The following DMD variants were observed in gnomAD, a reference collection of about 807,000 sequenced individuals.
DMD encodes mutant dystrophin.
A neutral mutation model predicts 330.1 loss-of-function variants in DMD; 63 were observed. That is an observed-to-expected ratio of 0.19 (90% CI 0.16 to 0.24). The LOEUF (loss-of-function observed/expected upper bound fraction) is 0.24. DMD is among the 10% of genes least tolerant of loss of function. The pLI is 1.00. For synonymous variants in DMD, 1,223 were observed against 959.8 expected, an observed-to-expected ratio of 1.27 and a Z score of -5.07; for missense variants, 3,344 against 2,684.1, an observed-to-expected ratio of 1.25 and a Z score of -5.43.
chrX:32,409,555 C>T lies in DMD; in HGVS notation c.4233+2197G>A, dbSNP rs750665947. Among the ~76,000 whole-genome samples, 127 of 111,525 alleles carry T rather than the reference C, an allele frequency of 1.1e-3. 1 individual carries two copies. Among genetic ancestry groups the T allele is most frequent in the Non-Finnish European group, 1.7e-3 (88 of 53,012 alleles). ...ACAACCTGTTCAACTAAAGATGCTT[C>T]GCCCTAAAAGCTCCAATTTTCCTTG... On this transcript the variant is annotated intron_variant, in intron 30 of 78. Transcript: ENST00000357033.
chrX:31,172,718 A>G (rs1461360567), intron 72 of DMD, among the ~76,000 whole-genome samples: 2 of 111,636 alleles, frequency 1.8e-5, no homozygotes, highest in African/African-American at 3.2e-5. Context: ...AAGCTTCCCT[A>G]ACAATAAGTG....
At chrX:33,040,349 TG>T (rs1458363044) in intron 1 of DMD, among the ~76,000 whole-genome samples, 1 of 110,658 alleles carries the variant, frequency 9.0e-6, no homozygotes, top group East Asian at 2.9e-4. Flanking sequence ...TCAGAGGGGT[TG>T]GGGAAGGTAG....
chrX:32,416,921 C>T (rs1436142323), intron 29 of DMD, among the ~76,000 whole-genome samples: 1 of 111,973 alleles, frequency 8.9e-6, no homozygotes, highest in Non-Finnish European at 1.9e-5. Flanking sequence ...AGTGGTCCAA[C>T]TATTTCCTTT....
In DMD at chrX:31,340,861, T is replaced by C. The variant is rs1343920015; in HGVS notation, c.9163+7695A>G. 2.7e-5 allele frequency among the ~76,000 whole-genome samples: 3 copies of C among 112,311 alleles called. No homozygotes were observed. In the East Asian group the frequency reaches 8.3e-4, roughly 31 times the overall value. ...AAGTACCACATACCACATTAGGTACTGTAGAATATAACTGTCAACAAGACT... is the reference window on the plus strand; with the variant it reads ...AAGTACCACATACCACATTAGGTACCGTAGAATATAACTGTCAACAAGACT... On this transcript the variant is annotated intron_variant, in intron 61 of 78. Coordinates refer to ENST00000357033, the MANE Select transcript of DMD (RefSeq NM_004006.3).
At chrX:31,248,363 T>C (rs2049024820) in intron 63 of DMD, among the ~76,000 whole-genome samples, 1 of 111,756 alleles carries the variant, frequency 8.9e-6, no homozygotes, top group Non-Finnish European at 1.9e-5. Context: ...CCTGTAAACG[T>C]CGCAAGTACT....
At chrX:33,038,675 C>T (rs944646655) in intron 1 of DMD, among the ~76,000 whole-genome samples, 2 of 111,903 alleles carry the variant, frequency 1.8e-5, no homozygotes, top group African/African-American at 6.5e-5. Flanking sequence ...TGAATTTTGA[C>T]TGAAAAGTTT....
At chrX:32,262,399 T>G (rs1303475428) in intron 43 of DMD, among the ~76,000 whole-genome samples, 1 of 111,633 alleles carries the variant, frequency 9.0e-6, no homozygotes, top group Non-Finnish European at 1.9e-5. Context: ...GTGAGGATAT[T>G]GGATATGTTT....
intron 9 of DMD, among the ~76,000 whole-genome samples, chrX:32,681,876 T>C (rs188184977): frequency 9.7e-6 from 1 of 103,096 alleles, no homozygotes; most frequent in East Asian, 2.8e-4. Flanking sequence ...AGAAAAGATC[T>C]CTTTGCAGTC....
intron 47 of DMD, among the ~76,000 whole-genome samples, chrX:31,889,573 G>A (rs1293591752): frequency 2.8e-5 from 3 of 107,730 alleles, no homozygotes; most frequent in African/African-American, 1.0e-4. Context: ...TAAACCCTGA[G>A]GACAATAAAA....
At chrX:31,953,309 TGACAATGCTTCTG>T (rs1049702483) in intron 45 of DMD, among the ~76,000 whole-genome samples, 4 of 112,119 alleles carry the variant, frequency 3.6e-5, no homozygotes, top group African/African-American at 1.3e-4. Flanking sequence ...CCACCGTTAC[TGACAATGCTTCTG>T]GACATGGAGT....
At chrX:32,121,231 C>T (rs140076651) in intron 44 of DMD, among the ~76,000 whole-genome samples, 11 of 111,132 alleles carry the variant, frequency 9.9e-5, no homozygotes, top group East Asian at 5.7e-4. Context: ...AAAATGAATA[C>T]GCTAAGGAAG....
chrX:32,674,346 C>T (rs755067768), intron 9 of DMD, among the ~76,000 whole-genome samples: 1 of 111,446 alleles, frequency 9.0e-6, no homozygotes, highest in South Asian at 3.7e-4. Context: ...TGAATGCAAT[C>T]ACTGGATAAT....
intron 2 of DMD, among the ~76,000 whole-genome samples, chrX:32,920,654 C>T (rs759677482): frequency 8.9e-6 from 1 of 112,092 alleles, no homozygotes; most frequent in East Asian, 2.8e-4. Flanking sequence ...TCATTTATTC[C>T]TTCCGCACAT....
intron 9 of DMD, among the ~76,000 whole-genome samples, chrX:32,680,958 A>G (rs1481995037): frequency 7.1e-5 from 8 of 112,122 alleles, no homozygotes; most frequent in Non-Finnish European, 1.3e-4. Flanking sequence ...TCCTAGTTAC[A>G]TATTTTACAT....
intron 44 of DMD, among the ~76,000 whole-genome samples, chrX:32,134,841 C>T (rs1282982127): frequency 9.0e-6 from 1 of 111,562 alleles, no homozygotes; most frequent in Non-Finnish European, 1.9e-5. Flanking sequence ...AAAAAGTATC[C>T]TCAGAGATGA....
At chrX:33,326,163 G>A (rs1337733172) in intron 1 of DMD, among the ~76,000 whole-genome samples, 3 of 110,216 alleles carry the variant, frequency 2.7e-5, no homozygotes, top group Non-Finnish European at 1.9e-5. Flanking sequence ...TGTCACCTTA[G>A]GACTCAAACA....
intron 18 of DMD, among the ~76,000 whole-genome samples, chrX:32,503,638 C>T (rs1479184847): frequency 2.7e-5 from 3 of 111,218 alleles, no homozygotes; most frequent in Non-Finnish European, 3.8e-5. Flanking sequence ...TCACTGCAAC[C>T]TCTGCCTCCC....
chrX:31,230,445 G>C (rs112725355), intron 63 of DMD, among the ~76,000 whole-genome samples: 1 of 110,644 alleles, frequency 9.0e-6, no homozygotes, highest in Non-Finnish European at 1.9e-5. Flanking sequence ...TCAGGAGTTC[G>C]AGAGCAGCCT....
At chrX:31,183,553 T>G (rs2041393513) in intron 67 of DMD, among the ~76,000 whole-genome samples, 1 of 111,930 alleles carries the variant, frequency 8.9e-6, no homozygotes, top group Non-Finnish European at 1.9e-5. Flanking sequence ...AGTCTAAATG[T>G]AAGAAATACA....
Sources: allele counts gnomAD v4.1 joint callset (sites outside exome capture counted in the v4.1 genomes callset), GRCh38; gene constraint gnomAD v4.1.1; transcripts MANE v1.5; gene names NCBI Gene and HGNC (gene_info 2026-07-23, HGNC 2026-07-21).